DNAH17: variants seen among roughly 807,000 people sequenced by gnomAD.
The protein encoded by DNAH17 is dynein axonemal heavy chain 17.
Under a neutral mutation model 485.6 loss-of-function variants are expected in DNAH17, and 376 were observed. The ratio of observed to expected loss-of-function variants is 0.77; its 90% CI spans 0.71 to 0.84. The LOEUF (loss-of-function observed/expected upper bound fraction) is 0.84, where lower values mean the gene tolerates loss of function less well. Ranked by LOEUF, DNAH17 falls within the 40% of genes least tolerant of loss-of-function variation. DNAH17 has a pLI of 0.00. For missense variants in DNAH17, 6,370 were observed against 5,839.3 expected, an observed-to-expected ratio of 1.09 and a Z score of -2.96; for synonymous variants, 3,031 against 2,405.9, an observed-to-expected ratio of 1.26 and a Z score of -7.60.
chr17:78,481,148 G>A (rs2089331841), intron 48 of DNAH17, among the ~76,000 whole-genome samples: 1 of 146,828 alleles, frequency 6.8e-6, no homozygotes, highest in Non-Finnish European at 1.5e-5. Context: ...AGTCACTCAG[G>A]CCGGAGTGCA....
intron 57 of DNAH17, among the ~76,000 whole-genome samples, chr17:78,462,133 C>T (rs557427037): frequency 7.2e-5 from 11 of 152,216 alleles, no homozygotes; most frequent in South Asian, 6.2e-4. Context: ...GATCGCACCA[C>T]TGCATCCCAG....
In DNAH17 at chr17:78,561,906, C is replaced by A; in HGVS notation, c.1644G>T (p.Met548Ile). Residue 548 changes from methionine to isoleucine, a missense_variant, in exon 12 of 81, where the codon ATG becomes ATT. Physicochemically the swap from Met to Ile is conservative, Grantham distance 10. Coordinates refer to ENST00000389840, the MANE Select transcript of DNAH17 (RefSeq NM_173628.4). Reference protein sequence around the residue: ...LAEVAPRYSVMLELFDAELDN... With the variant: ...LAEVAPRYSVILELFDAELDN... ...CTAGCTCAGCGTCAAACAGCTCCAG[C>A]ATGACTGAATACCTGGGCGCCACCT... 2.5e-6 allele frequency: 4 copies of A among 1,613,828 alleles called. No homozygotes were observed. The highest frequency in any genetic ancestry group is 3.4e-6 in the Non-Finnish European group (4 of 1,179,838).
At chr17:78,494,533 G>A (rs539881510) in intron 40 of DNAH17, 60 bp downstream of exon 40, 17 of 1,548,430 alleles carry the variant, frequency 1.1e-5, no homozygotes, top group Non-Finnish European at 1.5e-5. Context: ...AACATCAGTG[G>A]GAAGGAAGCC....
rs778123075 is a variant in DNAH17 at position 78,506,806 on chromosome 17, T to C, written c.4717A>G (p.Thr1573Ala). The change falls in exon 30 of 81, where the codon ACG becomes GCG. Residue 1573 changes from threonine to alanine, a missense_variant. Thr to Ala is a moderately conservative substitution (Grantham distance 58, BLOSUM62 0). Coordinates refer to ENST00000389840, the MANE Select transcript of DNAH17 (RefSeq NM_173628.4). ...CEKALAEYLE[T>A]KRLAFPRFYF... The stretch of plus-strand genomic sequence containing the variant: ...AACCGGGGGAAAGCCAGTCTTTTCG[T>C]CTCTAAATACTCTGCCAAAGCCTTT... The C allele has an allele frequency of 3.1e-6, 5 of 1,613,718 alleles. No homozygotes were observed. The South Asian group carries it at 5.5e-5, about 18-fold the overall frequency.
At chr17:78,462,602 G>A (rs367720502) in intron 57 of DNAH17, among the ~76,000 whole-genome samples, 21 of 152,338 alleles carry the variant, frequency 1.4e-4, no homozygotes, top group African/African-American at 5.1e-4. Context: ...GCCATCCCCT[G>A]TGTAATGCGC....
intron 79 of DNAH17, 127 bp from the exon 80 acceptor site, chr17:78,425,698 T>C (rs1217080983): frequency 3.7e-6 from 3 of 812,310 alleles, no homozygotes; most frequent in African/African-American, 1.8e-5. Context: ...CTAGAAGTGC[T>C]GGACAGAGTA....
intron 19 of DNAH17, chr17:78,532,966 A>G (rs2091280783): frequency 8.4e-6 from 4 of 473,446 alleles, no homozygotes; most frequent in East Asian, 4.1e-5. Flanking sequence ...TGGATAGCAC[A>G]CTACAGCCCA....
chr17:78,553,305 T>TAAAA (rs2091949310), intron 14 of DNAH17, among the ~76,000 whole-genome samples: 1 of 78,916 alleles, frequency 1.3e-5, no homozygotes, highest in Non-Finnish European at 2.6e-5. Context: ...TTTTTTTTTT[T>TAAAA]TTTTTTTTTT....
chr17:78,441,526 T>C (rs1394278687), intron 71 of DNAH17, among the ~76,000 whole-genome samples: 1 of 151,834 alleles, frequency 6.6e-6, no homozygotes, highest in African/African-American at 2.4e-5. Flanking sequence ...AGGAAGGAAG[T>C]TCAGATTAGA....
intron 25 of DNAH17, among the ~76,000 whole-genome samples, chr17:78,515,343 T>C (rs1198387662): frequency 6.6e-6 from 1 of 152,042 alleles, no homozygotes; most frequent in African/African-American, 2.4e-5. Flanking sequence ...ACCCCGTCTG[T>C]ACTAAAAATA....
At chr17:78,575,231 TG>T in intron 1 of DNAH17, 149 bp from the exon 2 acceptor site, 1 of 672,064 alleles carries the variant, frequency 1.5e-6, no homozygotes, top group Non-Finnish European at 2.5e-6. Context: ...GTGGTTGGGT[TG>T]GGGTGGGGGT....
At chr17:78,556,926 G>T (rs1475268203) in intron 14 of DNAH17, among the ~76,000 whole-genome samples, 1 of 152,164 alleles carries the variant, frequency 6.6e-6, no homozygotes, top group South Asian at 2.1e-4. Context: ...AACAGAACAC[G>T]TATGATACCA....
chr17:78,553,283 GTTT>G (rs60587420), intron 14 of DNAH17, among the ~76,000 whole-genome samples: 29 of 51,032 alleles, frequency 5.7e-4, no homozygotes, highest in East Asian at 2.0e-3. Context: ...AGGTTTTTGT[GTTT>G]TTTTTTTTTT....
chr17:78,573,872 A>G (rs2092396147), intron 2 of DNAH17, among the ~76,000 whole-genome samples: 1 of 152,178 alleles, frequency 6.6e-6, no homozygotes, highest in East Asian at 1.9e-4. Context: ...GCAGATGAGA[A>G]GAGTGATGAC....
chr17:78,568,136 A>G (rs903197182), intron 9 of DNAH17, among the ~76,000 whole-genome samples: 3 of 152,186 alleles, frequency 2.0e-5, no homozygotes, highest in Non-Finnish European at 4.4e-5. Context: ...GGTGGACAGC[A>G]AAGCCATTTC....
chr17:78,432,626 G>C (rs935545813), intron 75 of DNAH17, among the ~76,000 whole-genome samples: 3 of 152,256 alleles, frequency 2.0e-5, no homozygotes, highest in African/African-American at 7.2e-5. Context: ...CCCAGGCCAG[G>C]TGCTTGACAT....
chr17:78,459,340 T>C (rs997170812), intron 60 of DNAH17, 132 bp from the exon 61 acceptor site: 35 of 899,274 alleles, frequency 3.9e-5, no homozygotes, highest in Non-Finnish European at 5.7e-5. Context: ...ACAGTCAGGC[T>C]GGCCCTAGAG....
intron 56 of DNAH17, among the ~76,000 whole-genome samples, chr17:78,465,501 CCGCCA>C: frequency 9.5e-5 from 2 of 21,000 alleles, no homozygotes; most frequent in Non-Finnish European, 5.1e-4. Flanking sequence ...CTCTTCCCGG[CCGCCA>C]TCACATCTAG....
chr17:78,479,558 C>A lies in DNAH17; in HGVS notation c.7827G>T (p.Thr2609=), dbSNP rs375072159. The change falls in exon 50 of 81, where the codon ACG becomes ACT. Residue 2609 remains threonine, a synonymous_variant. Transcript: ENST00000389840. ...AGACCGAGCGGAAGGCCAGGTGCTG[C>A]GTCAGGATTGTGTTGTAGATGGTGG... The part of the protein sequence containing the change: ...ALTTIYNTIL[T]QHLAFRSVSM... 6.2e-7 allele frequency: 1 copy of A among 1,613,502 alleles called. No individual in the cohort carries two copies. The highest frequency in any genetic ancestry group is 1.1e-5 in the South Asian group (1 of 91,084).
Sources: allele counts gnomAD v4.1 joint callset (sites outside exome capture counted in the v4.1 genomes callset), GRCh38; gene constraint gnomAD v4.1.1; transcripts MANE v1.5; gene names NCBI Gene and HGNC (gene_info 2026-07-23, HGNC 2026-07-21).